Variants in BCKDHB observed in about 807,000 individuals in gnomAD.
The protein encoded by BCKDHB is branched chain keto acid dehydrogenase E1 subunit beta, also known as 2-oxoisovalerate dehydrogenase subunit beta, mitochondrial.
Under a neutral mutation model 48.5 loss-of-function variants are expected in BCKDHB, and 41 were observed. That is an observed-to-expected ratio of 0.85 (90% CI 0.66 to 1.10). BCKDHB has a LOEUF of 1.10. Ranked by LOEUF, BCKDHB falls within the 50% of genes least tolerant of loss-of-function variation. BCKDHB has a pLI of 0.00. For missense variants in BCKDHB, 496 were observed against 494.2 expected (o/e 1.00, Z -0.03); for synonymous variants, 201 against 174.8 (o/e 1.15, Z -1.18).
chr6:80,222,687 GTTGTAAT>G (rs1391612233), intron 8 of BCKDHB, among the ~76,000 whole-genome samples: 3 of 152,024 alleles, frequency 2.0e-5, no homozygotes, highest in Non-Finnish European at 2.9e-5. Flanking sequence ...ATCCCTTAGT[GTTGTAAT>G]TTTTAATATC....
At chr6:80,269,892 T>G (rs1777663729) in intron 8 of BCKDHB, among the ~76,000 whole-genome samples, 1 of 152,006 alleles carries the variant, frequency 6.6e-6, no homozygotes, top group Non-Finnish European at 1.5e-5. Flanking sequence ...CTAAATATGG[T>G]TAGGGGAATT....
chr6:80,302,305 C>T (rs1767625862), intron 9 of BCKDHB, among the ~76,000 whole-genome samples: 1 of 152,146 alleles, frequency 6.6e-6, no homozygotes, highest in African/African-American at 2.4e-5. Flanking sequence ...AGCAAGGTTT[C>T]AGGATACAAA....
At chr6:80,305,647 G>A (rs150659503) in intron 9 of BCKDHB, among the ~76,000 whole-genome samples, 3 of 152,070 alleles carry the variant, frequency 2.0e-5, no homozygotes, top group Non-Finnish European at 4.4e-5. Flanking sequence ...AACTGAGTGA[G>A]GGCTGATTTC....
At chr6:80,269,487 C>T (rs1262124875) in intron 8 of BCKDHB, among the ~76,000 whole-genome samples, 1 of 151,974 alleles carries the variant, frequency 6.6e-6, no homozygotes, top group African/African-American at 2.4e-5. Context: ...TATTCAGGGT[C>T]CTGATCTTCA....
At chr6:80,281,793 TC>T (rs1281291669) in intron 9 of BCKDHB, among the ~76,000 whole-genome samples, 3 of 152,004 alleles carry the variant, frequency 2.0e-5, no homozygotes, top group African/African-American at 7.2e-5. Flanking sequence ...CATCTAGCAG[TC>T]GGTTTTTAAA....
the BCKDHB span, among the ~76,000 whole-genome samples, chr6:80,395,129 A>T: frequency 6.6e-6 from 1 of 152,194 alleles, no homozygotes; most frequent in East Asian, 1.9e-4. Flanking sequence ...ATGGCCTAAT[A>T]CAGTAAATTG....
chr6:80,229,317 G>C (rs1415239381), intron 8 of BCKDHB, among the ~76,000 whole-genome samples: 1 of 152,184 alleles, frequency 6.6e-6, no homozygotes, highest in East Asian at 1.9e-4. Context: ...ATGGTTAGAT[G>C]ATAGTTGTCA....
intron 6 of BCKDHB, among the ~76,000 whole-genome samples, chr6:80,184,773 C>CT (rs1773566326): frequency 1.3e-5 from 2 of 152,118 alleles, no homozygotes. Flanking sequence ...CCTAATCCCT[C>CT]TTGGCTTGTA....
chr6:80,434,040 T>A, the BCKDHB span, among the ~76,000 whole-genome samples: 1 of 152,178 alleles, frequency 6.6e-6, no homozygotes, highest in Non-Finnish European at 1.5e-5. Flanking sequence ...TTGGGAGGCA[T>A]CTTTTTAGTT....
intron 8 of BCKDHB, among the ~76,000 whole-genome samples, chr6:80,259,196 G>C (rs1482200859): frequency 6.6e-6 from 1 of 152,162 alleles, no homozygotes; most frequent in Non-Finnish European, 1.5e-5. Flanking sequence ...TTGGAGATTT[G>C]TCTTGAATGC....
chr6:80,181,063 A>C (rs752119821), intron 6 of BCKDHB, among the ~76,000 whole-genome samples: 2 of 152,170 alleles, frequency 1.3e-5, no homozygotes, highest in Non-Finnish European at 2.9e-5. Flanking sequence ...CAACTCTTTT[A>C]GTTGAAAGAG....
chr6:80,280,296 A>C (rs1778144282), intron 9 of BCKDHB, among the ~76,000 whole-genome samples: 1 of 152,216 alleles, frequency 6.6e-6, no homozygotes, highest in Non-Finnish European at 1.5e-5. Context: ...ATATTACTAT[A>C]ATTATTTAAG....
chr6:80,251,581 G>C (rs918989894), intron 8 of BCKDHB: 7 of 152,104 alleles, frequency 4.6e-5, no homozygotes, highest in Admixed American at 4.6e-4. Context: ...TATGTTTATT[G>C]TATAAACCAA....
At chr6:80,400,239 A>G in the BCKDHB span, among the ~76,000 whole-genome samples, 1 of 152,158 alleles carries the variant, frequency 6.6e-6, no homozygotes, top group Non-Finnish European at 1.5e-5. Context: ...ATGGGATCTT[A>G]TCAAACTGAA....
At chr6:80,376,296 G>C in the BCKDHB span, among the ~76,000 whole-genome samples, 3 of 151,974 alleles carry the variant, frequency 2.0e-5, no homozygotes, top group Non-Finnish European at 2.9e-5. Context: ...GGGAAAGCTG[G>C]CAGACACAGG....
In BCKDHB at chr6:80,273,186, G is replaced by A. The variant is rs761765227; in HGVS notation, c.1003G>A (p.Gly335Ser). Reference protein sequence around the residue: ...LLISHEAPLTGGFASEISSTV... With the variant: ...LLISHEAPLTSGFASEISSTV... Reference sequence around the variant, plus strand: ...AATCAGTCACGAGGCTCCCTTGACAGGCGGCTTTGCATCGGAAATCAGCTC... The same window carrying A: ...AATCAGTCACGAGGCTCCCTTGACAAGCGGCTTTGCATCGGAAATCAGCTC... Residue 335 changes from glycine (G) to serine (S), a missense_variant, in exon 9 of 10, where the codon GGC (glycine) becomes AGC (serine). Physicochemically the swap from Gly to Ser is moderately conservative, Grantham distance 56. Transcript: ENST00000320393. The A allele has an allele frequency of 9.9e-6, 16 of 1,613,598 alleles. No homozygotes were observed. In the East Asian group the frequency reaches 1.3e-4, roughly 13 times the overall value.
At chr6:80,176,539 T>A (rs1773163669) in intron 6 of BCKDHB, among the ~76,000 whole-genome samples, 1 of 152,102 alleles carries the variant, frequency 6.6e-6, no homozygotes, top group African/African-American at 2.4e-5. Context: ...TTAAAGCCTG[T>A]GGGACCCATT....
intron 3 of BCKDHB, among the ~76,000 whole-genome samples, chr6:80,144,169 G>A (rs1158256252): frequency 6.6e-6 from 1 of 152,128 alleles, no homozygotes; most frequent in African/African-American, 2.4e-5. Flanking sequence ...CAGAAATACA[G>A]CATATTAAAT....
chr6:80,380,853 T>G, the BCKDHB span, among the ~76,000 whole-genome samples: 1 of 152,004 alleles, frequency 6.6e-6, no homozygotes, highest in East Asian at 1.9e-4. Context: ...GATTTTTTGT[T>G]GCAAGAATAT....
Sources: gnomAD v4.1 joint callset for allele counts (sites outside exome capture counted in the v4.1 genomes callset) on GRCh38, gnomAD v4.1.1 for gene constraint, MANE v1.5 for transcripts, NCBI Gene and HGNC (gene_info 2026-07-23, HGNC 2026-07-21) for gene names.